The following ATP1B2 variants were observed in gnomAD, a reference collection of about 807,000 sequenced individuals.
ATP1B2 encodes sodium/potassium-transporting ATPase subunit beta-2.
Under a neutral mutation model 37.3 loss-of-function variants are expected in ATP1B2, and 12 were observed. The ratio of observed to expected loss-of-function variants is 0.32; its 90% CI spans 0.21 to 0.52. The LOEUF is 0.52. ATP1B2 is among the 20% of genes least tolerant of loss of function. The pLI is 0.96. For synonymous variants in ATP1B2, 139 were observed against 140.5 expected (o/e 0.99, Z 0.07); for missense variants, 324 against 391.6 (o/e 0.83, Z 1.46).
intron 1 of ATP1B2, among the ~76,000 whole-genome samples, chr17:7,652,737 G>A (rs1410273155): frequency 6.6e-6 from 1 of 152,188 alleles, no homozygotes; most frequent in East Asian, 1.9e-4. Flanking sequence ...ACCAAGGGAA[G>A]GCTGTGGGAG....
In ATP1B2 at chr17:7,654,514, C is replaced by T; in HGVS notation, c.553-114C>T. 1 of 1,208,952 alleles carries T rather than the reference C, an allele frequency of 8.3e-7. No homozygotes were observed. The highest frequency in any genetic ancestry group is 1.2e-6 in the Non-Finnish European group (1 of 819,694). The allele number at this position is 1,208,952 out of a possible 1,614,324, so 74.9% of individuals were successfully genotyped here. A position where few individuals can be genotyped will look rare whatever the true frequency, so the allele number is the denominator to read the frequency against. On this transcript the variant is annotated intron_variant, in intron 4 of 6. Coordinates refer to ENST00000250111, the MANE Select transcript of ATP1B2 (RefSeq NM_001678.5). This position sits in a 1 kb window ranked among gnomAD's most constrained non-coding sequence, Gnocchi z 4.9. Reference sequence around the variant, plus strand: ...TGAACTCCTGGAATTAAGCTATCCTCCCGCCTCAACCTCCCTAGTAGTTGG... The same window carrying T: ...TGAACTCCTGGAATTAAGCTATCCTTCCGCCTCAACCTCCCTAGTAGTTGG...
chr17:7,651,076 T>C lies in ATP1B2; in HGVS notation c.-443T>C, dbSNP rs141815836. 2.1e-4 allele frequency: 42 copies of C among 197,428 alleles called. No homozygotes were observed. The highest frequency in any genetic ancestry group is 1.4e-3 in the South Asian group (19 of 14,022). The allele number at this position is 197,428 out of a possible 1,614,324, so 12.2% of individuals were successfully genotyped here. A position where few individuals can be genotyped will look rare whatever the true frequency, so the allele number is the denominator to read the frequency against. Reference sequence around the variant, plus strand: ...CGAGCCTTGAGCTTCGTTCCACAGCTTCTTTGCATCTTGGATTTCGGGGCG... The same window carrying C: ...CGAGCCTTGAGCTTCGTTCCACAGCCTCTTTGCATCTTGGATTTCGGGGCG... On this transcript the variant is annotated 5_prime_UTR_variant, in exon 1 of 7. Coordinates refer to ENST00000250111, the MANE Select transcript of ATP1B2 (RefSeq NM_001678.5).
chr17:7,653,307 T>G (rs918254998), intron 1 of ATP1B2, 67 bp from the exon 2 acceptor site: 126 of 1,603,210 alleles, frequency 7.9e-5, no homozygotes, highest in Admixed American at 1.0e-4. Context: ...GGTAGAGGGG[T>G]GTGTGGGGAT....
In ATP1B2 at chr17:7,654,839, T is replaced by C; in HGVS notation, c.609+155T>C. 1.2e-6 allele frequency: 1 copy of C among 806,734 alleles called. No individual in the cohort carries two copies. The highest frequency in any genetic ancestry group is 2.0e-6 in the Non-Finnish European group (1 of 502,868). The allele number at this position is 806,734 out of a possible 1,614,324, so 50.0% of individuals were successfully genotyped here. ...AGGGGGTAAGAGTGGGCTTTTGGGC[T>C]CCACTGTAGCTTGAACTCCGAGGGC... On this transcript the variant is annotated intron_variant, in intron 5 of 6. Coordinates refer to ENST00000250111, the MANE Select transcript of ATP1B2 (RefSeq NM_001678.5). This position sits in a 1 kb window ranked among gnomAD's most constrained non-coding sequence, Gnocchi z 4.9.
chr17:7,648,482 G>A (rs975545119), upstream of ATP1B2, among the ~76,000 whole-genome samples: 3 of 143,696 alleles, frequency 2.1e-5, no homozygotes, highest in African/African-American at 5.3e-5. Flanking sequence ...GGGAGGAACC[G>A]CTTGAACCCT....
In ATP1B2 at chr17:7,657,743, A is replaced by T. The variant is rs2072665689; in HGVS notation, c.*1848A>T. On this transcript the variant is annotated 3_prime_UTR_variant, in exon 7 of 7. Coordinates refer to ENST00000250111, the MANE Select transcript of ATP1B2 (RefSeq NM_001678.5). Reference sequence around the variant, plus strand: ...TAAGTAAAATAAAATGAGAGCAATTATATATATAAATATATATCATACACA... The same window carrying T: ...TAAGTAAAATAAAATGAGAGCAATTTTATATATAAATATATATCATACACA... The T allele has an allele frequency of 6.6e-6, 1 of 152,492 alleles. No homozygotes were observed. Among genetic ancestry groups the T allele is most frequent in the Admixed American group, 6.6e-5 (1 of 15,260 alleles). 9.4% of individuals were successfully genotyped at this position (152,492 alleles called of 1,614,324 possible). A position where few individuals can be genotyped will look rare whatever the true frequency, so the allele number is the denominator to read the frequency against.
Position 7,656,115 on chromosome 17 carries a change from C to CA in ATP1B2, c.*221dup. ...CAACTTCTCCCAACCTCAGATCAGT[C>CA]AGACAGGGAGCTGGGCTAAGATGGC... On this transcript the variant is annotated 3_prime_UTR_variant, in exon 7 of 7. Transcript: ENST00000250111. The CA allele has an allele frequency of 1.6e-6, 1 of 618,178 alleles. No individual in the cohort carries two copies. Among genetic ancestry groups the CA allele is most frequent in the East Asian group, 2.9e-5 (1 of 34,444 alleles). 38.3% of individuals were successfully genotyped at this position (618,178 alleles called of 1,614,324 possible).
upstream of ATP1B2, among the ~76,000 whole-genome samples, chr17:7,649,554 ATTT>A (rs528991905): frequency 3.0e-5 from 4 of 132,706 alleles, no homozygotes; most frequent in African/African-American, 8.4e-5. Context: ...TGCCCAGCTA[ATTT>A]TTTTTTTTTT....
chr17:7,654,529 C>T lies in ATP1B2; in HGVS notation c.553-99C>T. Reference sequence around the variant, plus strand: ...AAGCTATCCTCCCGCCTCAACCTCCCTAGTAGTTGGGACTACAGTCCCCGG... The same window carrying T: ...AAGCTATCCTCCCGCCTCAACCTCCTTAGTAGTTGGGACTACAGTCCCCGG... On this transcript the variant is annotated intron_variant, in intron 4 of 6. Transcript: ENST00000250111. This position sits in a 1 kb window ranked among gnomAD's most constrained non-coding sequence, Gnocchi z 4.9. 1 of 1,319,662 alleles carries T rather than the reference C, an allele frequency of 7.6e-7. No individual in the cohort carries two copies. Among genetic ancestry groups the T allele is most frequent in the Non-Finnish European group, 1.1e-6 (1 of 914,672 alleles). 81.7% of individuals were successfully genotyped at this position (1,319,662 alleles called of 1,614,324 possible). A position where few individuals can be genotyped will look rare whatever the true frequency, so the allele number is the denominator to read the frequency against.
chr17:7,653,333 G>A, intron 1 of ATP1B2, 41 bp from the exon 2 acceptor site: 1 of 1,612,632 alleles, frequency 6.2e-7, no homozygotes, highest in Non-Finnish European at 8.5e-7. Flanking sequence ...AGGTTATGGT[G>A]GGAACCTTGG....
Position 7,656,266 on chromosome 17 carries a change from C to CCA in ATP1B2, c.*384_*385dup, listed in dbSNP as rs138500951. 1.0e-3 allele frequency: 252 copies of CCA among 249,570 alleles called. 2 individuals carry two copies. Among genetic ancestry groups the CCA allele is most frequent in the African/African-American group, 2.6e-3 (118 of 45,140 alleles). 15.5% of individuals were successfully genotyped at this position (249,570 alleles called of 1,614,324 possible). A position where few individuals can be genotyped will look rare whatever the true frequency, so the allele number is the denominator to read the frequency against. On this transcript the variant is annotated 3_prime_UTR_variant, in exon 7 of 7. Coordinates refer to ENST00000250111, the MANE Select transcript of ATP1B2 (RefSeq NM_001678.5). Reference sequence around the variant, plus strand: ...CCCACCCACCCACCTACACCCCCCGCCACACACACACACAAACGTGCACAC... The same window carrying CCA: ...CCCACCCACCCACCTACACCCCCCGCCACACACACACACACAAACGTGCACAC...
In ATP1B2 at chr17:7,656,048, C is replaced by T. The variant is rs2072649631; in HGVS notation, c.*153C>T. 5.7e-6 allele frequency: 6 copies of T among 1,049,510 alleles called. No homozygotes were observed. The African/African-American group carries it at 6.4e-5, about 11-fold the overall frequency. 65.0% of individuals were successfully genotyped at this position (1,049,510 alleles called of 1,614,324 possible). On this transcript the variant is annotated 3_prime_UTR_variant, in exon 7 of 7. Transcript: ENST00000250111. ...CATCCTTTTCCTTGACTTCTCAACC[C>T]AGCCTGAAGTCCATTGCGGTTCCGT...
chr17:7,656,292 G>A lies in ATP1B2; in HGVS notation c.*397G>A, dbSNP rs71371807. On this transcript the variant is annotated 3_prime_UTR_variant, in exon 7 of 7. Transcript: ENST00000250111. ...CACACACACACACAAACGTGCACAC[G>A]CGTCTCATTTGACCCCTTTGCTTCC... is the stretch of plus-strand genomic sequence containing the variant. The A allele has an allele frequency of 1.5e-3, 282 of 189,054 alleles. No homozygotes were observed. The highest frequency in any genetic ancestry group is 2.0e-3 in the Non-Finnish European group (207 of 102,938). 11.7% of individuals were successfully genotyped at this position (189,054 alleles called of 1,614,324 possible).
Position 7,654,018 on chromosome 17 carries a change from C to T in ATP1B2, c.347-34C>T, listed in dbSNP as rs775090279. 4.4e-6 allele frequency: 7 copies of T among 1,607,056 alleles called. No individual in the cohort carries two copies. The East Asian group carries it at 1.6e-4, about 36-fold the overall frequency. On this transcript the variant is annotated intron_variant, in intron 3 of 6. Transcript: ENST00000250111. This position sits in a 1 kb window ranked among gnomAD's most constrained non-coding sequence, Gnocchi z 4.9. ...ACTGGGGACCTTGGAAGTGGAACAT[C>T]TGGCCCCTGAGTCTCTCCCTCCCAC...
At position 7,656,842 on chromosome 17, in the gene ATP1B2, T is replaced by C. The variant is rs2150979223; in HGVS notation, c.*947T>C. ...CGGCTAATTTCTTTCTTTCTTTTTT[T>C]TTTTTTTTGCATTTTTTAGTAGAGA... is the stretch of plus-strand genomic sequence containing the variant. On this transcript the variant is annotated 3_prime_UTR_variant, in exon 7 of 7. Coordinates refer to ENST00000250111, the MANE Select transcript of ATP1B2 (RefSeq NM_001678.5). 6.6e-6 allele frequency: 1 copy of C among 151,270 alleles called. No individual in the cohort carries two copies. Among genetic ancestry groups the C allele is most frequent in the South Asian group, 2.1e-4 (1 of 4,790 alleles). The allele number at this position is 151,270 out of a possible 1,614,324, so 9.4% of individuals were successfully genotyped here.
upstream of ATP1B2, among the ~76,000 whole-genome samples, chr17:7,650,821 T>A (rs1041609230): frequency 7.1e-6 from 1 of 140,270 alleles, no homozygotes; most frequent in African/African-American, 2.6e-5. Flanking sequence ...ATGTATGAGG[T>A]CGCCTGGGCC....
chr17:7,656,042 T>C lies in ATP1B2; in HGVS notation c.*147T>C, dbSNP rs2072649594. ...GCCTCACATCCTTTTCCTTGACTTCTCAACCCAGCCTGAAGTCCATTGCGG... is the reference window on the plus strand; with the variant it reads ...GCCTCACATCCTTTTCCTTGACTTCCCAACCCAGCCTGAAGTCCATTGCGG... On this transcript the variant is annotated 3_prime_UTR_variant, in exon 7 of 7. Coordinates refer to ENST00000250111, the MANE Select transcript of ATP1B2 (RefSeq NM_001678.5). 2.7e-6 allele frequency: 3 copies of C among 1,120,834 alleles called. No individual in the cohort carries two copies. Among genetic ancestry groups the C allele is most frequent in the South Asian group, 3.2e-5 (2 of 63,296 alleles). 69.4% of individuals were successfully genotyped at this position (1,120,834 alleles called of 1,614,324 possible). A position where few individuals can be genotyped will look rare whatever the true frequency, so the allele number is the denominator to read the frequency against.
chr17:7,651,510 G>T lies in ATP1B2; in HGVS notation c.-9G>T. On this transcript the variant is annotated 5_prime_UTR_variant, in exon 1 of 7. Transcript: ENST00000250111. Reference sequence around the variant, plus strand: ...CGCCCCGCGCCCGGACTCGCCCCGCGCCACCAAGATGGTCATCCAGAAAGA... The same window carrying T: ...CGCCCCGCGCCCGGACTCGCCCCGCTCCACCAAGATGGTCATCCAGAAAGA... The T allele has an allele frequency of 6.3e-7, 1 of 1,580,870 alleles. No individual in the cohort carries two copies. The highest frequency in any genetic ancestry group is 8.6e-7 in the Non-Finnish European group (1 of 1,164,330).
At position 7,655,466 on chromosome 17, in the gene ATP1B2, G is replaced by T; in HGVS notation, c.610-61G>T. The T allele has an allele frequency of 6.6e-7, 1 of 1,505,574 alleles. No homozygotes were observed. Among genetic ancestry groups the T allele is most frequent in the South Asian group, 1.1e-5 (1 of 88,474 alleles). The allele number at this position is 1,505,574 out of a possible 1,614,324, so 93.3% of individuals were successfully genotyped here. On this transcript the variant is annotated intron_variant, in intron 5 of 6. Coordinates refer to ENST00000250111, the MANE Select transcript of ATP1B2 (RefSeq NM_001678.5). This position sits in a 1 kb window ranked among gnomAD's most constrained non-coding sequence, Gnocchi z 4.4. Reference sequence around the variant, plus strand: ...ACAAAAGAACAAATGGAAGTCTGGTGAGCTCCTGGGTGCCTGCCATCCCTA... The same window carrying T: ...ACAAAAGAACAAATGGAAGTCTGGTTAGCTCCTGGGTGCCTGCCATCCCTA...
Sources: allele counts gnomAD v4.1 joint callset (sites outside exome capture counted in the v4.1 genomes callset), GRCh38; gene constraint gnomAD v4.1.1; non-coding constraint Gnocchi (gnomAD v3.1); transcripts MANE v1.5; gene names NCBI Gene and HGNC (gene_info 2026-07-23, HGNC 2026-07-21).